RETREG1: variants seen among roughly 807,000 people sequenced by gnomAD.
RETREG1 encodes the protein family with sequence similarity 134 member B.
A neutral mutation model predicts 54.8 loss-of-function variants in RETREG1; 44 were observed. The ratio of observed to expected loss-of-function variants is 0.80; its 90% CI spans 0.63 to 1.03. RETREG1 has a LOEUF of 1.03. Ranked by LOEUF, RETREG1 falls within the 50% of genes least tolerant of loss-of-function variation. RETREG1 has a pLI of 0.00. For synonymous variants in RETREG1, 217 were observed against 238.5 expected (o/e 0.91, Z 0.83); for missense variants, 554 against 605.1 (o/e 0.92, Z 0.89).
rs1382810565 is a variant in RETREG1, at chr5:16,585,517, C to A, written c.321-13415G>T. Among the ~76,000 whole-genome samples, 1 of 152,188 alleles carries A rather than the reference C, an allele frequency of 6.6e-6. No homozygotes were observed. Among genetic ancestry groups the A allele is most frequent in the Non-Finnish European group, 1.5e-5 (1 of 68,022 alleles). ...TGTATAAATTGAATACCTGCCCACT[C>A]CTATTCCACCTTCTACCTGACCTGG... On this transcript the variant is annotated intron_variant, in intron 1 of 8. Coordinates refer to ENST00000306320, the MANE Select transcript of RETREG1 (RefSeq NM_001034850.3). The surrounding 1 kb of genome is among the most constrained non-coding windows in gnomAD (Gnocchi z 4.5).
At chr5:16,581,161 C>T (rs1337866526) in intron 1 of RETREG1, among the ~76,000 whole-genome samples, 1 of 152,096 alleles carries the variant, frequency 6.6e-6, no homozygotes, top group African/African-American at 2.4e-5. Context: ...AGAGGCTGGG[C>T]AGGGCCAGGG....
rs1330411518 is a variant in RETREG1, at chr5:16,477,671, T to G, written c.991A>C (p.Thr331Pro). Residue 331 changes from threonine (T) to proline (P), a missense_variant, in exon 8 of 9, where the codon ACT (threonine) becomes CCT (proline). By Grantham distance (38) the Thr-to-Pro change is conservative (BLOSUM62 -1). This residue lies in a region of RETREG1 where 347 missense variants were observed against 412.3 expected (regional missense o/e 0.84). Transcript: ENST00000306320. Reference sequence around the variant, plus strand: ...AGAAATATTAGCATACCATCAGAAGTGTCTGTCTGTGGAGTGTATCCTTCT... The same window carrying G: ...AGAAATATTAGCATACCATCAGAAGGGTCTGTCTGTGGAGTGTATCCTTCT... ...LSEGYTPQTDTSDDLDRPSEE... is the reference protein window; with the variant it reads ...LSEGYTPQTDPSDDLDRPSEE... The G allele has an allele frequency of 1.2e-6, 2 of 1,612,870 alleles. No individual in the cohort carries two copies. Among genetic ancestry groups the G allele is most frequent in the Non-Finnish European group, 1.7e-6 (2 of 1,179,240 alleles).
At chr5:16,569,363 G>A (rs1742109624) in intron 2 of RETREG1, among the ~76,000 whole-genome samples, 1 of 149,586 alleles carries the variant, frequency 6.7e-6, no homozygotes. Flanking sequence ...GGTGAAGACT[G>A]AAAGCCTGTC....
At chr5:16,564,987 C>T (rs138188524) in intron 3 of RETREG1, among the ~76,000 whole-genome samples, 1 of 152,252 alleles carries the variant, frequency 6.6e-6, no homozygotes, top group East Asian at 1.9e-4. Context: ...AAGTCAGGTT[C>T]CTCAGCCATC....
chr5:16,480,519 G>A (rs1463273472), intron 5 of RETREG1, among the ~76,000 whole-genome samples: 2 of 152,034 alleles, frequency 1.3e-5, no homozygotes, highest in African/African-American at 4.8e-5. Context: ...TTAAGAAACT[G>A]CCAAACTGTT....
chr5:16,554,491 C>T (rs1741633197), intron 3 of RETREG1, among the ~76,000 whole-genome samples: 1 of 152,184 alleles, frequency 6.6e-6, no homozygotes, highest in Non-Finnish European at 1.5e-5. Context: ...CCCTCTTTTT[C>T]ATTGAATGTC....
chr5:16,572,450 C>T (rs754912066), intron 1 of RETREG1, among the ~76,000 whole-genome samples: 2 of 152,066 alleles, frequency 1.3e-5, no homozygotes, highest in African/African-American at 2.4e-5. Flanking sequence ...TGTCCTCAAG[C>T]GATCCACCCA....
At chr5:16,601,543 T>G (rs1036793173) in intron 1 of RETREG1, among the ~76,000 whole-genome samples, 50 of 152,192 alleles carry the variant, frequency 3.3e-4, no homozygotes, top group South Asian at 6.2e-4. Context: ...ATTACAGGCA[T>G]GCGCCACCAT....
chr5:16,611,726 C>A (rs1320411254), intron 1 of RETREG1, among the ~76,000 whole-genome samples: 2 of 152,130 alleles, frequency 1.3e-5, no homozygotes, highest in Non-Finnish European at 2.9e-5. Context: ...CACTACCCAG[C>A]AATACAAAGC....
At chr5:16,613,161 A>G (rs1743395263) in intron 1 of RETREG1, among the ~76,000 whole-genome samples, 1 of 152,136 alleles carries the variant, frequency 6.6e-6, no homozygotes, top group Non-Finnish European at 1.5e-5. Context: ...ATAGCATCTG[A>G]GGCAACTACT....
rs1738621679 is a variant in RETREG1 at position 16,478,141 on chromosome 5, C to T, written c.809-43G>A. ...TGGAAGCTTTCAGTTTCCTAGCCAACTCAGACATAGTGCATTTATTTCATT... is the reference window on the plus strand; with the variant it reads ...TGGAAGCTTTCAGTTTCCTAGCCAATTCAGACATAGTGCATTTATTTCATT... On this transcript the variant is annotated intron_variant, in intron 6 of 8. Coordinates refer to ENST00000306320, the MANE Select transcript of RETREG1 (RefSeq NM_001034850.3). The T allele has an allele frequency of 3.1e-6, 4 of 1,301,238 alleles. No homozygotes were observed. In the Admixed American group the frequency reaches 5.1e-5, roughly 17 times the overall value. The allele number at this position is 1,301,238 out of a possible 1,614,324, so 80.6% of individuals were successfully genotyped here. A position where few individuals can be genotyped will look rare whatever the true frequency, so the allele number is the denominator to read the frequency against.
intron 2 of RETREG1, among the ~76,000 whole-genome samples, chr5:16,568,207 G>A (rs754459667): frequency 5.3e-5 from 8 of 151,702 alleles, no homozygotes; most frequent in Admixed American, 2.0e-4. Flanking sequence ...ATGTTCACAG[G>A]CAATACAAAA....
intron 3 of RETREG1, among the ~76,000 whole-genome samples, chr5:16,500,745 G>A (rs1739675069): frequency 1.3e-5 from 2 of 152,120 alleles, no homozygotes; most frequent in African/African-American, 2.4e-5. Flanking sequence ...ACTCGGCACA[G>A]TCCATGGCAT....
intron 3 of RETREG1, among the ~76,000 whole-genome samples, chr5:16,526,984 G>A (rs921543513): frequency 2.6e-5 from 4 of 152,208 alleles, no homozygotes; most frequent in Admixed American, 6.5e-5. Flanking sequence ...ACAGGGGTGC[G>A]AAAGACTGGC....
rs143310621 is a variant in RETREG1 at position 16,516,484 on chromosome 5, G to T, written c.459-33012C>A. On this transcript the variant is annotated intron_variant, in intron 3 of 8. Transcript: ENST00000306320. The stretch of plus-strand genomic sequence containing the variant: ...TTCAAAATGCAGATCCTGAGTCCCA[G>T]TTGAAATTCCAAGAATCAGAATCGC... Among the ~76,000 whole-genome samples, 347 of 152,364 alleles carry T rather than the reference G, an allele frequency of 2.3e-3. 2 individuals are homozygous for T. The highest frequency in any genetic ancestry group is 8.1e-3 in the African/African-American group (336 of 41,590).
At chr5:16,486,804 C>T (rs1004949392) in intron 3 of RETREG1, among the ~76,000 whole-genome samples, 4 of 152,154 alleles carry the variant, frequency 2.6e-5, no homozygotes, top group Admixed American at 2.0e-4. Context: ...TCATGCAGGA[C>T]CAACCCTTTC....
intron 3 of RETREG1, among the ~76,000 whole-genome samples, chr5:16,516,722 A>G (rs1740367203): frequency 6.6e-6 from 1 of 152,172 alleles, no homozygotes; most frequent in African/African-American, 2.4e-5. Flanking sequence ...ACAGTAGACA[A>G]TAAAGTTAAA....
In RETREG1 at chr5:16,611,608, G is replaced by A. The variant is rs181718195; in HGVS notation, c.320+5044C>T. 3.1e-4 allele frequency among the ~76,000 whole-genome samples: 47 copies of A among 152,278 alleles called. No individual in the cohort carries two copies. In the East Asian group the frequency reaches 8.3e-3, roughly 27 times the overall value. ...AGACACTTCACACAAAGATTTCTAC[G>A]TGATGTTTTCCAATAGCTTTATTCA... On this transcript the variant is annotated intron_variant, in intron 1 of 8. Coordinates refer to ENST00000306320, the MANE Select transcript of RETREG1 (RefSeq NM_001034850.3).
chr5:16,612,468 T>C (rs1743375157), intron 1 of RETREG1, among the ~76,000 whole-genome samples: 1 of 152,266 alleles, frequency 6.6e-6, no homozygotes, highest in South Asian at 2.1e-4. Context: ...TCAAAATGTT[T>C]ACCCTTCTGT....
Sources: gnomAD v4.1 joint callset for allele counts (sites outside exome capture counted in the v4.1 genomes callset) on GRCh38, gnomAD v4.1.1 for gene constraint, gnomAD v4.1.1 regional missense constraint, Gnocchi (gnomAD v3.1) non-coding constraint, MANE v1.5 for transcripts, NCBI Gene and HGNC (gene_info 2026-07-23, HGNC 2026-07-21) for gene names.